CEP112: variants seen among roughly 807,000 people sequenced by gnomAD.
CEP112 encodes centrosomal protein 112.
In CEP112, 127 loss-of-function variants were observed where a neutral mutation model predicts 153.0. The observed-to-expected ratio is 0.83, with a 90% CI of 0.72 to 0.96. CEP112 has a LOEUF of 0.96. Ranked by LOEUF, CEP112 falls within the 40% of genes least tolerant of loss-of-function variation. The pLI is 0.00. For synonymous variants in CEP112, 358 were observed against 374.4 expected (o/e 0.96, Z 0.51); for missense variants, 1,089 against 1,101.2 (o/e 0.99, Z 0.16).
At chr17:66,003,135 T>C (rs1252333220) in intron 17 of CEP112, among the ~76,000 whole-genome samples, 1 of 152,198 alleles carries the variant, frequency 6.6e-6, no homozygotes, top group Non-Finnish European at 1.5e-5. Context: ...TACTGTACTG[T>C]TAAGATCATC....
chr17:66,114,701 T>C (rs1203672645), intron 6 of CEP112, among the ~76,000 whole-genome samples: 1 of 152,066 alleles, frequency 6.6e-6, no homozygotes, highest in African/African-American at 2.4e-5. Context: ...TCATGCAGAA[T>C]AGAGAAAAAG....
At chr17:65,962,838 G>A (rs542961142) in intron 17 of CEP112, among the ~76,000 whole-genome samples, 185 of 152,150 alleles carry the variant, frequency 1.2e-3, no homozygotes, top group Admixed American at 1.9e-3. Context: ...CTTGCCTTCC[G>A]CCATGATTGT....
chr17:66,137,543 G>A (rs1235600432), intron 4 of CEP112, among the ~76,000 whole-genome samples: 1 of 151,986 alleles, frequency 6.6e-6, no homozygotes, highest in African/African-American at 2.4e-5. Context: ...AAAAGTCAAA[G>A]ACAAAGAATT....
chr17:65,903,396 C>G (rs930972016), intron 19 of CEP112: 42 of 152,308 alleles, frequency 2.8e-4, no homozygotes, highest in African/African-American at 1.0e-3. Flanking sequence ...ATTCATTTCT[C>G]CAGGCATGCA....
At chr17:66,131,458 T>C (rs2070158188) in intron 5 of CEP112, among the ~76,000 whole-genome samples, 1 of 152,214 alleles carries the variant, frequency 6.6e-6, no homozygotes, top group South Asian at 2.1e-4. Flanking sequence ...CAGTCATGTG[T>C]TGGCCGGGGG....
intron 21 of CEP112, among the ~76,000 whole-genome samples, chr17:65,800,701 G>T: frequency 6.6e-6 from 1 of 152,178 alleles, no homozygotes; most frequent in East Asian, 1.9e-4. Flanking sequence ...TTCTAAAGTG[G>T]TTGGGCTGTT....
intron 21 of CEP112, among the ~76,000 whole-genome samples, chr17:65,771,518 A>C (rs1179193377): frequency 2.0e-5 from 3 of 152,206 alleles, no homozygotes; most frequent in African/African-American, 7.2e-5. Flanking sequence ...TAGATAATTC[A>C]AAAACTGCTA....
rs146517376 is a variant in CEP112 at position 66,041,057 on chromosome 17, C to A, written c.1219-11034G>T. On this transcript the variant is annotated intron_variant, in intron 12 of 26. Transcript: ENST00000535342. ...TTTTCTATATGAATATTCAATTGACCAATTTATTGAAAGAACCACTTTTCA... is the reference window on the plus strand; with the variant it reads ...TTTTCTATATGAATATTCAATTGACAAATTTATTGAAAGAACCACTTTTCA... Among the ~76,000 whole-genome samples the A allele has an allele frequency of 9.2e-3, 1,368 of 149,280 alleles. 11 individuals carry two copies. The highest frequency in any genetic ancestry group is 0.011 in the Non-Finnish European group (772 of 67,550).
At chr17:65,969,558 G>A (rs573577976) in intron 17 of CEP112, among the ~76,000 whole-genome samples, 2 of 151,190 alleles carry the variant, frequency 1.3e-5, no homozygotes, top group East Asian at 3.9e-4. Context: ...AATATTGTGT[G>A]CATGTATATT....
chr17:66,095,650 G>C lies in CEP112; in HGVS notation c.768+601C>G, dbSNP rs908575826. Among the ~76,000 whole-genome samples, 3 of 152,178 alleles carry C rather than the reference G, an allele frequency of 2.0e-5. No homozygotes were observed. The South Asian group carries it at 6.2e-4, about 32-fold the overall frequency. ...GATTGTATTTCAAAAATCACTATGA[G>C]AGTACATTTTAAGTATTCTCATTAC... On this transcript the variant is annotated intron_variant, in intron 8 of 26. Coordinates refer to ENST00000535342, the MANE Select transcript of CEP112 (RefSeq NM_001199165.4).
chr17:65,881,087 C>T (rs899467940), intron 20 of CEP112, among the ~76,000 whole-genome samples: 13 of 152,046 alleles, frequency 8.6e-5, no homozygotes, highest in Non-Finnish European at 1.3e-4. Flanking sequence ...TGCTGGCATG[C>T]GCTTGTAGTC....
At chr17:65,877,147 A>T (rs906862962) in intron 20 of CEP112, among the ~76,000 whole-genome samples, 2 of 152,190 alleles carry the variant, frequency 1.3e-5, no homozygotes, top group Admixed American at 1.3e-4. Context: ...GTCTGATTGC[A>T]GTCCAGCTGC....
At chr17:65,950,699 C>CTATTAGTAGTAGTAGTAGTAGTAG (rs57598697) in intron 18 of CEP112, among the ~76,000 whole-genome samples, 30 of 147,184 alleles carry the variant, frequency 2.0e-4, no homozygotes, top group African/African-American at 6.5e-4. Flanking sequence ...GGATACATTA[C>CTATTAGTAGTAGTAGTAGTAGTAG]TAGTAGTAGT....
At chr17:65,985,570 A>C (rs188421043) in intron 17 of CEP112, among the ~76,000 whole-genome samples, 128 of 152,284 alleles carry the variant, frequency 8.4e-4, no homozygotes, top group Non-Finnish European at 1.2e-4. Flanking sequence ...TAAAAGCTTC[A>C]GAAGAAGTTG....
rs199954664 is a variant in CEP112 at position 65,689,131 on chromosome 17, G to A, written c.2695C>T (p.Gln899Ter). 1.1e-5 allele frequency: 18 copies of A among 1,603,912 alleles called. No individual in the cohort carries two copies. The highest frequency in any genetic ancestry group is 1.5e-5 in the Non-Finnish European group (17 of 1,170,840). ...TCAAATAGTAAAGGAGAGGGTACCT[G>A]TTCCTGTGACTCCAATTCTTTGTGT... ...LQHKELESQEQITYIRQEYET... is the reference protein window; with the variant it reads ...LQHKELESQE The change falls in exon 24 of 27, where the codon CAG (glutamine) becomes TAG (stop). Residue 899 changes from glutamine to a stop codon, truncating the protein, a stop_gained and splice_region_variant. Transcript: ENST00000535342. LOFTEE classifies it high-confidence loss of function.
intron 18 of CEP112, among the ~76,000 whole-genome samples, chr17:65,942,213 T>C (rs1476974833): frequency 6.6e-6 from 1 of 152,040 alleles, no homozygotes; most frequent in Non-Finnish European, 1.5e-5. Context: ...TGAACCCTAT[T>C]GTGAACTGTG....
rs1438195498 is a variant in CEP112, at chr17:66,132,862, G to T, written c.471-99C>A. On this transcript the variant is annotated intron_variant, in intron 4 of 26. Transcript: ENST00000535342. ...CATTTCTTTCCCTTGGAACTGAGAT[G>T]ATAGTTTGTATTAACAATGATGTTC... is the stretch of plus-strand genomic sequence containing the variant. 6.0e-6 allele frequency: 5 copies of T among 837,630 alleles called. No individual in the cohort carries two copies. In the Admixed American group the frequency reaches 8.3e-5, roughly 14 times the overall value. 51.9% of individuals were successfully genotyped at this position (837,630 alleles called of 1,614,324 possible). A position where few individuals can be genotyped will look rare whatever the true frequency, so the allele number is the denominator to read the frequency against.
At chr17:65,916,287 G>GTGTGTGTATGTGTA (rs138734881) in intron 19 of CEP112, among the ~76,000 whole-genome samples, 3 of 147,600 alleles carry the variant, frequency 2.0e-5, no homozygotes, top group African/African-American at 7.6e-5. Context: ...GTGTGTGTGT[G>GTGTGTGTATGTGTA]TGTGTATGTG....
chr17:66,059,687 T>C (rs2066845319), intron 11 of CEP112, among the ~76,000 whole-genome samples: 1 of 152,224 alleles, frequency 6.6e-6, no homozygotes, highest in Admixed American at 6.5e-5. Flanking sequence ...GGAATGCTTA[T>C]ATACTGTTAG....
Sources: gnomAD v4.1 joint callset for allele counts (sites outside exome capture counted in the v4.1 genomes callset) on GRCh38, gnomAD v4.1.1 for gene constraint, MANE v1.5 for transcripts, NCBI Gene and HGNC (gene_info 2026-07-23, HGNC 2026-07-21) for gene names.